The following SAXO1 variants were observed in gnomAD, a reference collection of about 807,000 sequenced individuals.
SAXO1 encodes the protein stabilizer of axonemal microtubules 1, also known as 4930500O09Rik.
Under a neutral mutation model 17.5 loss-of-function variants are expected in SAXO1, and 21 were observed. The ratio of observed to expected loss-of-function variants is 1.20; its 90% CI spans 0.85 to 1.72. The LOEUF is 1.72. SAXO1 is among the 40% of genes most tolerant of loss of function. SAXO1 has a pLI of 0.00. For synonymous variants in SAXO1, 274 were observed against 216.5 expected (o/e 1.27, Z -2.33); for missense variants, 843 against 596.0 (o/e 1.41, Z -4.32).
rs190375201 is a variant in SAXO1, at chr9:18,991,573, G to T, written c.39-40636C>A. Among the ~76,000 whole-genome samples the T allele has an allele frequency of 3.2e-3, 491 of 152,174 alleles. 2 individuals are homozygous for T. Among genetic ancestry groups the T allele is most frequent in the South Asian group, 0.015 (73 of 4,812 alleles). On this transcript the variant is annotated intron_variant, in intron 1 of 3. Coordinates refer to ENST00000380534, the MANE Select transcript of SAXO1 (RefSeq NM_153707.4). ...ACACCCTGGGGCTTGTCGCGGAGTG[G>T]GGGAAAGGGGGAGGGATAGCATTAG... is the stretch of plus-strand genomic sequence containing the variant.
intron 3 of SAXO1, among the ~76,000 whole-genome samples, chr9:18,941,028 T>G (rs1395602644): frequency 6.6e-6 from 1 of 152,240 alleles, no homozygotes; most frequent in Non-Finnish European, 1.5e-5. Flanking sequence ...TATATGGATT[T>G]GTTCAGTGCA....
chr9:18,967,778 G>A (rs933491872), intron 1 of SAXO1, among the ~76,000 whole-genome samples: 1 of 145,972 alleles, frequency 6.9e-6, no homozygotes, highest in Non-Finnish European at 1.5e-5. Flanking sequence ...AGCGTTCCGG[G>A]CACCATTGGG....
chr9:19,033,309 G>A (rs116329746), upstream of SAXO1: 743 of 191,022 alleles, frequency 3.9e-3, 5 homozygotes, highest in African/African-American at 0.016. Context: ...CACAAGAGCC[G>A]CTTGTGAGGT....
At chr9:18,994,227 T>C (rs1453752088) in intron 1 of SAXO1, among the ~76,000 whole-genome samples, 1 of 151,994 alleles carries the variant, frequency 6.6e-6, no homozygotes, top group Non-Finnish European at 1.5e-5. Flanking sequence ...CCTATGTGGG[T>C]GTGTTTGTGT....
In SAXO1 at chr9:18,991,424, G is replaced by A. The variant is rs1012585182; in HGVS notation, c.39-40487C>T. On this transcript the variant is annotated intron_variant, in intron 1 of 3. Coordinates refer to ENST00000380534, the MANE Select transcript of SAXO1 (RefSeq NM_153707.4). ...AGTTCATGTCCTTTGCAGGGACATG[G>A]ATGAAGCTGGAAACCATCATTCTGA... Among the ~76,000 whole-genome samples, 6 of 152,286 alleles carry A rather than the reference G, an allele frequency of 3.9e-5. No homozygotes were observed. The South Asian group carries it at 6.2e-4, about 16-fold the overall frequency.
chr9:18,930,002 A>C (rs1388087572), intron 3 of SAXO1, among the ~76,000 whole-genome samples: 1 of 152,218 alleles, frequency 6.6e-6, no homozygotes, highest in African/African-American at 2.4e-5. Context: ...CAGATTTCTA[A>C]ATACAAGGCT....
chr9:18,972,421 G>A (rs1434094864), intron 1 of SAXO1, among the ~76,000 whole-genome samples: 1 of 152,100 alleles, frequency 6.6e-6, no homozygotes, highest in Non-Finnish European at 1.5e-5. Flanking sequence ...TAGAATTTGT[G>A]CACCAATACA....
At position 18,975,514 on chromosome 9, in the gene SAXO1, G is replaced by C. The variant is rs544956389; in HGVS notation, c.39-24577C>G. ...CCCTCCCTACTCTAGGCAATGAGAA[G>C]GTTTAGAGGATTTTTAACAGGTGGC... is the stretch of plus-strand genomic sequence containing the variant. On this transcript the variant is annotated intron_variant, in intron 1 of 3. Transcript: ENST00000380534. 2.6e-5 allele frequency among the ~76,000 whole-genome samples: 4 copies of C among 152,306 alleles called. No individual in the cohort carries two copies. In the East Asian group the frequency reaches 5.8e-4, roughly 22 times the overall value.
At chr9:18,971,189 A>G (rs372124834) in intron 1 of SAXO1, among the ~76,000 whole-genome samples, 1 of 152,166 alleles carries the variant, frequency 6.6e-6, no homozygotes, top group South Asian at 2.1e-4. Context: ...AGATGTGCAG[A>G]CAGGAAGATC....
intron 1 of SAXO1, among the ~76,000 whole-genome samples, chr9:18,988,537 T>G (rs1428595368): frequency 2.0e-5 from 3 of 152,212 alleles, no homozygotes; most frequent in Non-Finnish European, 4.4e-5. Context: ...TGTATGGCAT[T>G]CTACAGTTTA....
intron 1 of SAXO1, among the ~76,000 whole-genome samples, chr9:19,038,875 C>T (rs1206615982): frequency 1.3e-5 from 2 of 151,712 alleles, no homozygotes; most frequent in South Asian, 2.1e-4. Flanking sequence ...TCTTTGAAAC[C>T]ACTATAAACA....
chr9:18,979,000 C>G (rs1588471646), intron 1 of SAXO1, among the ~76,000 whole-genome samples: 1 of 152,168 alleles, frequency 6.6e-6, no homozygotes, highest in South Asian at 2.1e-4. Flanking sequence ...CAAGCCTCTA[C>G]TAAAATGGGA....
chr9:19,007,646 A>C (rs144182742), intron 1 of SAXO1, among the ~76,000 whole-genome samples: 354 of 152,308 alleles, frequency 2.3e-3, no homozygotes, highest in African/African-American at 8.0e-3. Context: ...TCACCATCTA[A>C]AATCAGGAGT....
At chr9:19,000,923 C>T (rs62560403) in intron 1 of SAXO1, among the ~76,000 whole-genome samples, 11,204 of 152,130 alleles carry the variant, frequency 0.074, 521 homozygotes, top group African/African-American at 0.13. Context: ...TACAGGAGCA[C>T]CCAGATTCAT....
At position 19,012,360 on chromosome 9, in the gene SAXO1, G is replaced by A. The variant is rs140489276; in HGVS notation, c.38+20511C>T. 4.9e-4 allele frequency among the ~76,000 whole-genome samples: 75 copies of A among 152,366 alleles called. No individual in the cohort carries two copies. In the East Asian group the frequency reaches 0.012, roughly 24 times the overall value. The stretch of plus-strand genomic sequence containing the variant: ...TAGGGACAGTTAGAGGCGCTAGGGC[G>A]CCTCACCCCTAATCCTCCCCAAATC... On this transcript the variant is annotated intron_variant, in intron 1 of 3. Transcript: ENST00000380534.
intron 3 of SAXO1, among the ~76,000 whole-genome samples, chr9:18,934,904 T>C (rs563135194): frequency 6.6e-6 from 1 of 152,306 alleles, no homozygotes; most frequent in Non-Finnish European, 1.5e-5. Flanking sequence ...CATTTTTTTC[T>C]TTTTAATTTG....
intron 1 of SAXO1, among the ~76,000 whole-genome samples, chr9:19,030,319 C>T (rs1451750583): frequency 1.3e-5 from 2 of 151,850 alleles, no homozygotes; most frequent in Non-Finnish European, 2.9e-5. Context: ...TTTCCAAACA[C>T]AAAAATGAGA....
chr9:18,966,664 C>T (rs925744590), intron 1 of SAXO1, among the ~76,000 whole-genome samples: 1 of 151,872 alleles, frequency 6.6e-6, no homozygotes, highest in Non-Finnish European at 1.5e-5. Flanking sequence ...AGGTTCTTAG[C>T]TTCCTTGCAA....
chr9:18,990,258 A>G (rs1415355708), intron 1 of SAXO1, among the ~76,000 whole-genome samples: 3 of 152,158 alleles, frequency 2.0e-5, no homozygotes, highest in South Asian at 2.1e-4. Flanking sequence ...CAAGAAAATC[A>G]AGATATTCAA....
Sources: allele counts gnomAD v4.1 joint callset (sites outside exome capture counted in the v4.1 genomes callset), GRCh38; gene constraint gnomAD v4.1.1; transcripts MANE v1.5; gene names NCBI Gene and HGNC (gene_info 2026-07-23, HGNC 2026-07-21).